The following SCN4A variants were observed in gnomAD, a reference collection of about 807,000 sequenced individuals.
SCN4A encodes the protein sodium channel protein type 4 subunit alpha.
SCN4A carries 83 observed loss-of-function variants against 162.0 expected under a neutral mutation model. That is an observed-to-expected ratio of 0.51 (90% confidence interval 0.43 to 0.61). The LOEUF is 0.61. SCN4A is among the 20% of genes least tolerant of loss of function. SCN4A has a pLI of 0.00. For synonymous variants in SCN4A, 944 were observed against 985.1 expected (o/e 0.96, Z 0.78); for missense variants, 2,196 against 2,462.5 (o/e 0.89, Z 2.29).
chr17:63,942,001 G>C lies in SCN4A; in HGVS notation c.4289-8C>G. 1 of 1,555,918 alleles carries C rather than the reference G, an allele frequency of 6.4e-7. No homozygotes were observed. The highest frequency in any genetic ancestry group is 8.7e-7 in the Non-Finnish European group (1 of 1,148,492). ...GGTCAGAGAGGGCAAGGCCTGCGGG[G>C]AGAAGCTAGTGAGGACGCTGCCACT... On this transcript the variant is annotated splice_polypyrimidine_tract_variant and splice_region_variant and intron_variant, in intron 23 of 23. Coordinates refer to ENST00000435607, the MANE Select transcript of SCN4A (RefSeq NM_000334.4).
chr17:63,957,140 C>T (rs1285452240), intron 13 of SCN4A, 22 bp downstream of exon 13: 7 of 1,501,226 alleles, frequency 4.7e-6, no homozygotes, highest in Non-Finnish European at 6.4e-6. Context: ...AGGGCAGGGG[C>T]CACCCAGCCA....
chr17:63,962,785 A>G (rs1909307964), intron 10 of SCN4A, among the ~76,000 whole-genome samples: 1 of 152,110 alleles, frequency 6.6e-6, no homozygotes, highest in South Asian at 2.1e-4. Context: ...TCTGAGGCCC[A>G]AAACTTCTCA....
At position 63,944,656 on chromosome 17, in the gene SCN4A, G is replaced by T. The variant is rs375053441; in HGVS notation, c.3912+17C>A. The T allele has an allele frequency of 6.3e-7, 1 of 1,590,238 alleles. No individual in the cohort carries two copies. The highest frequency in any genetic ancestry group is 8.6e-7 in the Non-Finnish European group (1 of 1,168,150). ...GCCCAGCACCGGGAGGGCCCGAGGG[G>T]CTGGGCTGATACTCATCTTCTTCTT... is the stretch of plus-strand genomic sequence containing the variant. On this transcript the variant is annotated intron_variant, in intron 21 of 23. Transcript: ENST00000435607. The surrounding 1 kb of genome is among the most constrained non-coding windows in gnomAD (Gnocchi z 4.3).
intron 8 of SCN4A, 74 bp from the exon 9 acceptor site, chr17:63,964,751 C>G: frequency 8.3e-7 from 1 of 1,202,768 alleles, no homozygotes. Context: ...CCTTTCCATA[C>G]ATCCATTGCC....
chr17:63,949,287 G>T, intron 15 of SCN4A, 106 bp downstream of exon 15: 1 of 1,249,616 alleles, frequency 8.0e-7, no homozygotes, highest in Non-Finnish European at 1.1e-6. Flanking sequence ...CACGGGGATG[G>T]CCAGGCAGCC....
chr17:63,950,159 C>T lies in SCN4A; in HGVS notation c.2854-631G>A, dbSNP rs751844097. 6.6e-6 allele frequency among the ~76,000 whole-genome samples: 1 copy of T among 152,130 alleles called. No homozygotes were observed. Among genetic ancestry groups the T allele is most frequent in the Non-Finnish European group, 1.5e-5 (1 of 68,026 alleles). ...GCCAGGCCAGCTTCCCGGCCCCAGA[C>T]TCCACCCGGCAGGGGACCCCTTCAA... On this transcript the variant is annotated intron_variant, in intron 14 of 23. Coordinates refer to ENST00000435607, the MANE Select transcript of SCN4A (RefSeq NM_000334.4). This position sits in a 1 kb window ranked among gnomAD's most constrained non-coding sequence, Gnocchi z 4.6.
chr17:63,944,633 C>T lies in SCN4A; in HGVS notation c.3912+40G>A, dbSNP rs369360924. 102 of 1,568,816 alleles carry T rather than the reference C, an allele frequency of 6.5e-5. No homozygotes were observed. The African/African-American group carries it at 9.7e-4, about 15-fold the overall frequency. On this transcript the variant is annotated intron_variant, in intron 21 of 23. Transcript: ENST00000435607. This position sits in a 1 kb window ranked among gnomAD's most constrained non-coding sequence, Gnocchi z 4.3. ...TGGACAAAGGAGGCAGGAGGGAGGC[C>T]CAGCACCGGGAGGGCCCGAGGGGCT... is the stretch of plus-strand genomic sequence containing the variant.
chr17:63,953,176 T>A (rs1243204116), intron 13 of SCN4A, among the ~76,000 whole-genome samples: 1 of 151,998 alleles, frequency 6.6e-6, no homozygotes, highest in Non-Finnish European at 1.5e-5. Context: ...CTGGCTAACA[T>A]GGTGAAACCC....
At chr17:63,964,795 C>T (rs1002505006) in intron 8 of SCN4A, 118 bp from the exon 9 acceptor site, 1 of 741,470 alleles carries the variant, frequency 1.3e-6, no homozygotes, top group Non-Finnish European at 2.2e-6. Flanking sequence ...CCTCACAGAG[C>T]CTGGGGGACT....
intron 13 of SCN4A, among the ~76,000 whole-genome samples, chr17:63,955,042 G>A (rs975313093): frequency 1.3e-5 from 2 of 152,176 alleles, no homozygotes; most frequent in Non-Finnish European, 2.9e-5. Flanking sequence ...CCAGAATGCT[G>A]GGTAAATGCT....
rs1360925232 is a variant in SCN4A at position 63,938,697 on chromosome 17, C to G, written c.*2074G>C. 2.0e-5 allele frequency: 3 copies of G among 152,892 alleles called. No individual in the cohort carries two copies. The highest frequency in any genetic ancestry group is 4.4e-5 in the Non-Finnish European group (3 of 68,216). The allele number at this position is 152,892 out of a possible 1,614,324, so 9.5% of individuals were successfully genotyped here. ...GGGCCACAGGCAGGGAGAGGCCGGA[C>G]CCGGCTCATCTACTCTTCCTCTGCA... is the stretch of plus-strand genomic sequence containing the variant. On this transcript the variant is annotated 3_prime_UTR_variant, in exon 24 of 24. Coordinates refer to ENST00000435607, the MANE Select transcript of SCN4A (RefSeq NM_000334.4).
At position 63,947,259 on chromosome 17, in the gene SCN4A, C is replaced by T. The variant is rs1287019532; in HGVS notation, c.3319-92G>A. Reference sequence around the variant, plus strand: ...GGGGGTCTTCCTGGACTCACAGCTCCTGGTTGTCTCCCTTAGATCCCCTCC... The same window carrying T: ...GGGGGTCTTCCTGGACTCACAGCTCTTGGTTGTCTCCCTTAGATCCCCTCC... On this transcript the variant is annotated intron_variant, in intron 17 of 23. Coordinates refer to ENST00000435607, the MANE Select transcript of SCN4A (RefSeq NM_000334.4). 7 of 1,522,246 alleles carry T rather than the reference C, an allele frequency of 4.6e-6. No homozygotes were observed. In the South Asian group the frequency reaches 5.7e-5, roughly 12 times the overall value. The allele number at this position is 1,522,246 out of a possible 1,614,324, so 94.3% of individuals were successfully genotyped here.
chr17:63,968,791 C>T (rs1218150112), intron 5 of SCN4A, among the ~76,000 whole-genome samples: 1 of 152,168 alleles, frequency 6.6e-6, no homozygotes, highest in Admixed American at 6.5e-5. Context: ...TGTAGTTGAT[C>T]CTATCAAAGG....
At chr17:63,947,002 T>TCCCCCCACCCCACCCCC in intron 18 of SCN4A, 43 bp downstream of exon 18, 1 of 1,449,438 alleles carries the variant, frequency 6.9e-7, no homozygotes, top group Non-Finnish European at 9.5e-7. Context: ...AGGTGGCCGG[T>TCCCCCCACCCCACCCCC]CCCCCATCCC....
intron 5 of SCN4A, among the ~76,000 whole-genome samples, chr17:63,968,887 T>C (rs1480164272): frequency 6.6e-6 from 1 of 152,242 alleles, no homozygotes; most frequent in Admixed American, 6.5e-5. Context: ...TCACCCAGGC[T>C]GGAATGCAGT....
In SCN4A at chr17:63,948,626, G is replaced by A. The variant is rs747471262; in HGVS notation, c.3129C>T (p.Leu1043=). Residue 1043 remains leucine, a synonymous_variant, in exon 16 of 24, where the codon CTC becomes CTT. Coordinates refer to ENST00000435607, the MANE Select transcript of SCN4A (RefSeq NM_000334.4). The stretch of plus-strand genomic sequence containing the variant: ...CAGTGCCTACCAGAGCCCCACTGCT[G>A]AGCAGGATCATGAAGACAATGAAGG... ...FETFIVFMIL[L]SSGALAFEDI... 6.3e-5 allele frequency: 102 copies of A among 1,613,576 alleles called. No homozygotes were observed. The highest frequency in any genetic ancestry group is 8.3e-5 in the Non-Finnish European group (98 of 1,179,824).
intron 12 of SCN4A, 99 bp from the exon 13 acceptor site, chr17:63,957,617 T>G: frequency 2.6e-6 from 2 of 757,054 alleles, no homozygotes; most frequent in Non-Finnish European, 4.3e-6. Context: ...AGCTTGAATC[T>G]CCAGCCCCCC....
chr17:63,967,858 G>A (rs529621884), intron 6 of SCN4A, among the ~76,000 whole-genome samples, 165 bp downstream of exon 6: 7 of 152,016 alleles, frequency 4.6e-5, no homozygotes, highest in East Asian at 1.9e-4. Flanking sequence ...GCTTGAAGCC[G>A]GGAGGCGGAG....
At chr17:63,958,202 C>CTACAAAAAT (rs1336797157) in intron 12 of SCN4A, among the ~76,000 whole-genome samples, 1 of 151,656 alleles carries the variant, frequency 6.6e-6, no homozygotes, top group African/African-American at 2.4e-5. Context: ...AAACCCTGAC[C>CTACAAAAAT]TACAAAAATT....
Sources: gnomAD v4.1 joint callset for allele counts (sites outside exome capture counted in the v4.1 genomes callset) on GRCh38, gnomAD v4.1.1 for gene constraint, Gnocchi (gnomAD v3.1) non-coding constraint, MANE v1.5 for transcripts, NCBI Gene and HGNC (gene_info 2026-07-23, HGNC 2026-07-21) for gene names.